Variants in CDH23 observed in about 807,000 individuals in gnomAD.
The protein encoded by CDH23 is cadherin-23.
CDH23 carries 189 observed loss-of-function variants against 317.1 expected under a neutral mutation model. The ratio of observed to expected loss-of-function variants is 0.60; its 90% CI spans 0.53 to 0.67. The LOEUF (loss-of-function observed/expected upper bound fraction) is 0.67. Among genes scored for constraint, CDH23 ranks in the 30% least tolerant of loss-of-function variants. The probability of loss-of-function intolerance (pLI) is 0.00; values close to 1 mark genes in which losing one functional copy is unlikely to be tolerated. For missense variants in CDH23, 4,401 were observed against 4,592.4 expected, an observed-to-expected ratio of 0.96 and a Z score of 1.20; for synonymous variants, 1,839 against 1,876.8, an observed-to-expected ratio of 0.98 and a Z score of 0.52.
intron 8 of CDH23, 73 bp from the exon 9 acceptor site, chr10:71,577,841 G>A: frequency 1.5e-6 from 2 of 1,295,658 alleles, no homozygotes; most frequent in South Asian, 1.3e-5. Context: ...GGAAGCTGTG[G>A]GTGCCATGAT....
intron 30 of CDH23, among the ~76,000 whole-genome samples, chr10:71,727,253 T>C (rs1347698393): frequency 6.6e-6 from 1 of 152,208 alleles, no homozygotes; most frequent in African/African-American, 2.4e-5. Context: ...GAGCCAGGCT[T>C]CATGCCTTGG....
intron 41 of CDH23, among the ~76,000 whole-genome samples, chr10:71,780,121 A>C (rs1346537928): frequency 6.6e-6 from 1 of 152,218 alleles, no homozygotes; most frequent in East Asian, 1.9e-4. Flanking sequence ...GCCCATTTTG[A>C]AAAGAAAAGC....
At chr10:71,428,499 T>G (rs1161169230) in intron 1 of CDH23, among the ~76,000 whole-genome samples, 2 of 151,782 alleles carry the variant, frequency 1.3e-5, no homozygotes, top group Non-Finnish European at 2.9e-5. Context: ...GAGTATGAAC[T>G]GGTATCTCAT....
At chr10:71,713,349 C>T (rs779177503) in intron 28 of CDH23, 7 of 763,302 alleles carry the variant, frequency 9.2e-6, no homozygotes, top group Non-Finnish European at 1.7e-5. Context: ...CACACCTCTG[C>T]CCAGAGGCCT....
At position 71,702,660 on chromosome 10, in the gene CDH23, T is replaced by C; in HGVS notation, c.2699T>C (p.Leu900Pro). The change falls in exon 24 of 70, where the codon CTT becomes CCT. Residue 900 changes from leucine to proline, a missense_variant. By Grantham distance (98) the Leu-to-Pro change is moderately conservative. Around this residue, in one of 3 missense-constraint regions of CDH23, gnomAD observed 3,068 missense variants for 3,203.3 expected, o/e 0.96. Coordinates refer to ENST00000224721, the MANE Select transcript of CDH23 (RefSeq NM_022124.6). ...AACCTGCCTTTTGTGGCCGAGGTGCTTGAAGGCATCCCGGCGGGGGTCTCC... is the reference window on the plus strand; with the variant it reads ...AACCTGCCTTTTGTGGCCGAGGTGCCTGAAGGCATCCCGGCGGGGGTCTCC... Reference protein sequence around the residue: ...FQNLPFVAEVLEGIPAGVSIY... With the variant: ...FQNLPFVAEVPEGIPAGVSIY... 6.2e-7 allele frequency: 1 copy of C among 1,613,938 alleles called. No individual in the cohort carries two copies. The highest frequency in any genetic ancestry group is 8.5e-7 in the Non-Finnish European group (1 of 1,179,896).
chr10:71,515,639 A>C (rs75912982), intron 6 of CDH23, among the ~76,000 whole-genome samples: 7,340 of 152,050 alleles, frequency 0.048, 611 homozygotes, highest in African/African-American at 0.17. Context: ...ACCATTTCCC[A>C]ACTGTGTGAC....
intron 47 of CDH23, among the ~76,000 whole-genome samples, chr10:71,792,852 A>AAAAAAAAT (rs1841297946): frequency 2.6e-5 from 1 of 38,524 alleles, no homozygotes. Context: ...AAAAAAAAAA[A>AAAAAAAAT]ATATATATAT....
chr10:71,803,412 A>G lies in CDH23; in HGVS notation c.7864A>G (p.Ile2622Val), dbSNP rs910349027. The G allele has an allele frequency of 1.9e-6, 3 of 1,592,068 alleles. No individual in the cohort carries two copies. The highest frequency in any genetic ancestry group is 2.6e-6 in the Non-Finnish European group (3 of 1,170,094). Residue 2622 changes from isoleucine to valine, a missense_variant, in exon 55 of 70, where the codon ATC becomes GTC. Transcript: ENST00000224721. ...VRPPNGTILH[I>V]REEIPLRSNV... is the part of the protein sequence containing the mutation. ...CCCACCCAACGGCACCATCCTCCACATCAGAGAGGTACTCCTGCCCCGAGG... is the reference window on the plus strand; with the variant it reads ...CCCACCCAACGGCACCATCCTCCACGTCAGAGAGGTACTCCTGCCCCGAGG...
intron 11 of CDH23, among the ~76,000 whole-genome samples, chr10:71,631,944 T>C (rs1862031886): frequency 6.6e-6 from 1 of 152,172 alleles, no homozygotes; most frequent in Non-Finnish European, 1.5e-5. Flanking sequence ...GACAAACTTA[T>C]AGGAACAGAG....
At chr10:71,473,364 C>A (rs1851617547) in intron 3 of CDH23, among the ~76,000 whole-genome samples, 2 of 152,148 alleles carry the variant, frequency 1.3e-5, no homozygotes, top group Admixed American at 1.3e-4. Context: ...TACCAAGGGC[C>A]CTCTGTGCAC....
chr10:71,672,652 A>T (rs1223033859), intron 14 of CDH23, among the ~76,000 whole-genome samples: 1 of 152,294 alleles, frequency 6.6e-6, no homozygotes, highest in Non-Finnish European at 1.5e-5. Flanking sequence ...GCCCAGTCCA[A>T]CGTGGGCAGG....
At chr10:71,535,733 A>G (rs1395211375) in intron 6 of CDH23, among the ~76,000 whole-genome samples, 2 of 152,158 alleles carry the variant, frequency 1.3e-5, no homozygotes, top group Non-Finnish European at 1.5e-5. Context: ...CAGGGCAGGG[A>G]CTTGGTTATC....
chr10:71,705,639 CT>C (rs1212254727), intron 25 of CDH23, among the ~76,000 whole-genome samples: 2 of 152,204 alleles, frequency 1.3e-5, no homozygotes, highest in Non-Finnish European at 2.9e-5. Flanking sequence ...CCTCATCCCC[CT>C]GGGACTCTCA....
At chr10:71,482,386 C>T (rs113747068) in intron 3 of CDH23, among the ~76,000 whole-genome samples, 60 of 152,330 alleles carry the variant, frequency 3.9e-4, no homozygotes, top group African/African-American at 1.3e-3. Flanking sequence ...TCCCCACCTA[C>T]CTGGACCCCT....
intron 30 of CDH23, among the ~76,000 whole-genome samples, chr10:71,728,189 T>TA (rs1564761257): frequency 1.3e-5 from 2 of 151,438 alleles, no homozygotes; most frequent in Non-Finnish European, 2.9e-5. Context: ...CCATGCAAAC[T>TA]CCCCCCCGCA....
chr10:71,400,386 A>C (rs1847725277), intron 1 of CDH23, among the ~76,000 whole-genome samples: 1 of 151,562 alleles, frequency 6.6e-6, no homozygotes, highest in Admixed American at 6.5e-5. Flanking sequence ...GAGAGAGGGC[A>C]GCTCTGCCAG....
At chr10:71,562,858 G>T (rs1161647315) in intron 6 of CDH23, among the ~76,000 whole-genome samples, 4 of 152,246 alleles carry the variant, frequency 2.6e-5, no homozygotes, top group Admixed American at 6.5e-5. Context: ...TGTAACTGTG[G>T]CTTTTGTGTG....
chr10:71,708,562 C>A lies in CDH23; in HGVS notation c.3107-536C>A, dbSNP rs866741140. ...CCTGTCTCCTGTACACCTGCCTTGA[C>A]TCCTCCCTCTGTGGAGCCTCCATGT... On this transcript the variant is annotated intron_variant, in intron 26 of 69. Coordinates refer to ENST00000224721, the MANE Select transcript of CDH23 (RefSeq NM_022124.6). 3.3e-5 allele frequency among the ~76,000 whole-genome samples: 5 copies of A among 152,240 alleles called. 1 individual carries two copies. Among genetic ancestry groups the A allele is most frequent in the Non-Finnish European group, 7.3e-5 (5 of 68,044 alleles).
intron 3 of CDH23, among the ~76,000 whole-genome samples, chr10:71,465,589 G>GC (rs1225294997): frequency 1.3e-5 from 2 of 152,216 alleles, no homozygotes; most frequent in Non-Finnish European, 2.9e-5. Context: ...TGGCTGATAG[G>GC]CCCACCCCTC....
Sources: gnomAD v4.1 joint callset for allele counts (sites outside exome capture counted in the v4.1 genomes callset) on GRCh38, gnomAD v4.1.1 for gene constraint, gnomAD v4.1.1 regional missense constraint, MANE v1.5 for transcripts, NCBI Gene and HGNC (gene_info 2026-07-23, HGNC 2026-07-21) for gene names.